Variants in CCDC7 observed in about 807,000 individuals in gnomAD.
The protein encoded by CCDC7 is coiled-coil domain-containing protein 7.
Under a neutral mutation model 196.9 loss-of-function variants are expected in CCDC7, and 183 were observed. The observed-to-expected ratio is 0.93, with a 90% CI of 0.82 to 1.05. The LOEUF is 1.05. CCDC7 is among the 50% of genes least tolerant of loss of function. The pLI is 0.00. For synonymous variants in CCDC7, 525 were observed against 484.6 expected, an observed-to-expected ratio of 1.08 and a Z score of -1.10; for missense variants, 1,540 against 1,482.2, an observed-to-expected ratio of 1.04 and a Z score of -0.64.
At chr10:32,659,382 G>A (rs923581258) in intron 20 of CCDC7, among the ~76,000 whole-genome samples, 1 of 152,052 alleles carries the variant, frequency 6.6e-6, no homozygotes, top group South Asian at 2.1e-4. Flanking sequence ...ATACCATTGT[G>A]GTAAGAAAAG....
At chr10:32,807,630 G>T (rs2086117531) in intron 30 of CCDC7, among the ~76,000 whole-genome samples, 1 of 152,062 alleles carries the variant, frequency 6.6e-6, no homozygotes, top group Non-Finnish European at 1.5e-5. Flanking sequence ...AGGCTCCCCA[G>T]TGTGGGAAAA....
chr10:32,572,824 G>A (rs796796711), intron 16 of CCDC7, among the ~76,000 whole-genome samples: 2 of 143,690 alleles, frequency 1.4e-5, no homozygotes, highest in Non-Finnish European at 3.0e-5. Flanking sequence ...GGGAACTTAT[G>A]TATCATGTAG....
intron 9 of CCDC7, among the ~76,000 whole-genome samples, chr10:32,509,664 G>C (rs2045801644): frequency 4.6e-5 from 7 of 151,892 alleles, no homozygotes; most frequent in Admixed American, 4.6e-4. Flanking sequence ...TCTGATAATG[G>C]GTCAATATAA....
At chr10:32,702,441 T>C (rs2078919210) in intron 24 of CCDC7, among the ~76,000 whole-genome samples, 1 of 152,206 alleles carries the variant, frequency 6.6e-6, no homozygotes, top group Non-Finnish European at 1.5e-5. Flanking sequence ...TACTTCCAAC[T>C]ATGTGGTCAA....
chr10:32,594,788 T>C (rs918996316), intron 18 of CCDC7, among the ~76,000 whole-genome samples: 8 of 152,224 alleles, frequency 5.3e-5, no homozygotes, highest in African/African-American at 1.7e-4. Context: ...AAAGGCCTTT[T>C]CTGCATCTGT....
chr10:32,543,286 G>A lies in CCDC7; in HGVS notation c.994-14G>A, dbSNP rs2990986. 506,765 of 1,366,912 alleles carry A rather than the reference G, an allele frequency of 0.37. 100,394 individuals are homozygous for A. The highest frequency in any genetic ancestry group is 0.58 in the East Asian group (21,705 of 37,244). The allele number at this position is 1,366,912 out of a possible 1,614,324, so 84.7% of individuals were successfully genotyped here. On this transcript the variant is annotated splice_polypyrimidine_tract_variant and intron_variant, in intron 11 of 41. Transcript: ENST00000639629. ...TTTTAACCCTTTATTTCTGGCTTATGTAAAATTATACAGAAAACTAAGCCT... is the reference window on the plus strand; with the variant it reads ...TTTTAACCCTTTATTTCTGGCTTATATAAAATTATACAGAAAACTAAGCCT...
intron 13 of CCDC7, among the ~76,000 whole-genome samples, chr10:32,550,316 G>A (rs1326286629): frequency 6.6e-6 from 1 of 152,092 alleles, no homozygotes; most frequent in Non-Finnish European, 1.5e-5. Flanking sequence ...TTCTGGAGGT[G>A]TCTTTAGGGT....
At chr10:32,771,161 A>G (rs779247135) in intron 28 of CCDC7, among the ~76,000 whole-genome samples, 4 of 152,298 alleles carry the variant, frequency 2.6e-5, no homozygotes, top group African/African-American at 4.8e-5. Context: ...TTTATTTTAT[A>G]GGCCTGTGAG....
chr10:32,533,155 G>T (rs886543758), intron 11 of CCDC7, among the ~76,000 whole-genome samples: 2 of 151,210 alleles, frequency 1.3e-5, no homozygotes, highest in Non-Finnish European at 2.9e-5. Context: ...TTACTATTAG[G>T]CTTACAAAGA....
intron 28 of CCDC7, among the ~76,000 whole-genome samples, chr10:32,771,101 T>C (rs1259324657): frequency 6.6e-6 from 1 of 152,216 alleles, no homozygotes; most frequent in Non-Finnish European, 1.5e-5. Context: ...AGATGTGAGG[T>C]ACTGTTTTCT....
At chr10:32,450,169 T>A (rs1432614553), upstream of CCDC7, among the ~76,000 whole-genome samples, 4 of 152,220 alleles carry the variant, frequency 2.6e-5, no homozygotes, top group African/African-American at 9.6e-5. Flanking sequence ...CCATGTTCCC[T>A]GCTAAGGGCT....
chr10:32,606,871 G>A (rs966391701), intron 18 of CCDC7, among the ~76,000 whole-genome samples: 4 of 152,158 alleles, frequency 2.6e-5, no homozygotes, highest in African/African-American at 7.2e-5. Context: ...TAAGAGTTTG[G>A]GGGCTATTGA....
chr10:32,691,601 G>A (rs1159508884), intron 23 of CCDC7, among the ~76,000 whole-genome samples: 2 of 152,184 alleles, frequency 1.3e-5, no homozygotes, highest in African/African-American at 4.8e-5. Flanking sequence ...AATGAAACTA[G>A]ACATCTAAAT....
chr10:32,672,706 G>C (rs548656471), intron 21 of CCDC7, among the ~76,000 whole-genome samples: 2 of 152,244 alleles, frequency 1.3e-5, no homozygotes, highest in African/African-American at 4.8e-5. Flanking sequence ...GATGCCCATA[G>C]CCTCCACCTT....
chr10:32,582,551 A>G (rs1340776775), intron 16 of CCDC7, among the ~76,000 whole-genome samples: 2 of 152,140 alleles, frequency 1.3e-5, no homozygotes, highest in African/African-American at 2.4e-5. Flanking sequence ...GGCAACTGGT[A>G]GAGAATAAAT....
chr10:32,620,753 C>T (rs901249699), intron 18 of CCDC7, among the ~76,000 whole-genome samples: 2 of 152,096 alleles, frequency 1.3e-5, no homozygotes, highest in African/African-American at 4.8e-5. Flanking sequence ...AAGTGGTTGT[C>T]TCAGATGTTA....
intron 5 of CCDC7, among the ~76,000 whole-genome samples, chr10:32,466,420 T>TC (rs1237013040): frequency 6.6e-6 from 1 of 152,170 alleles, no homozygotes; most frequent in Non-Finnish European, 1.5e-5. Flanking sequence ...CTCTCCTTCC[T>TC]CCCAACCTCC....
At chr10:32,484,840 G>A (rs2040698455) in intron 8 of CCDC7, among the ~76,000 whole-genome samples, 2 of 152,186 alleles carry the variant, frequency 1.3e-5, no homozygotes, top group African/African-American at 2.4e-5. Context: ...GCATCCCAGG[G>A]ATGAAGCCCA....
At position 32,792,616 on chromosome 10, in the gene CCDC7, C is replaced by G. The variant is rs190091002; in HGVS notation, c.3014-12399C>G. Among the ~76,000 whole-genome samples the G allele has an allele frequency of 5.6e-4, 85 of 152,270 alleles. No individual in the cohort carries two copies. In the Middle Eastern group the frequency reaches 0.014, roughly 24 times the overall value. ...AGGAGTTCAAGACCACCCTGGCCAACATGGTGAAACCCCATCTCTACTAAA... is the reference window on the plus strand; with the variant it reads ...AGGAGTTCAAGACCACCCTGGCCAAGATGGTGAAACCCCATCTCTACTAAA... On this transcript the variant is annotated intron_variant, in intron 29 of 41. Transcript: ENST00000639629.
Sources: gnomAD v4.1 joint callset for allele counts (sites outside exome capture counted in the v4.1 genomes callset) on GRCh38, gnomAD v4.1.1 for gene constraint, MANE v1.5 for transcripts, NCBI Gene and HGNC (gene_info 2026-07-23, HGNC 2026-07-21) for gene names.